Variants in CDH13 observed in about 807,000 individuals in gnomAD.
CDH13 encodes the protein cadherin-13.
A neutral mutation model predicts 63.8 loss-of-function variants in CDH13; 24 were observed. The observed-to-expected ratio is 0.38, with a 90% confidence interval of 0.27 to 0.53. The LOEUF is 0.53. Among genes scored for constraint, CDH13 ranks in the 20% least tolerant of loss-of-function variants. The pLI is 0.85. For missense variants in CDH13, 1,049 were observed against 903.1 expected, an observed-to-expected ratio of 1.16 and a Z score of -2.07; for synonymous variants, 503 against 355.3, an observed-to-expected ratio of 1.42 and a Z score of -4.67.
chr16:82,885,562 C>T (rs1220124597), intron 2 of CDH13, among the ~76,000 whole-genome samples: 1 of 151,994 alleles, frequency 6.6e-6, no homozygotes, highest in Non-Finnish European at 1.5e-5. Flanking sequence ...CATCCATTCA[C>T]TTATCCTGCC....
chr16:83,341,203 A>G (rs1421596146), intron 5 of CDH13, among the ~76,000 whole-genome samples: 1 of 152,220 alleles, frequency 6.6e-6, no homozygotes, highest in Non-Finnish European at 1.5e-5. Context: ...GGAAACAAGC[A>G]TTATTCCAGT....
chr16:83,740,805 C>G (rs1911985248), intron 10 of CDH13, among the ~76,000 whole-genome samples: 1 of 152,234 alleles, frequency 6.6e-6, no homozygotes. Context: ...CTCCCAACCC[C>G]AAGAGGCCCT....
chr16:83,623,939 A>G (rs1309355827), intron 8 of CDH13, among the ~76,000 whole-genome samples: 1 of 152,176 alleles, frequency 6.6e-6, no homozygotes, highest in Non-Finnish European at 1.5e-5. Context: ...CCCTGTTTGC[A>G]CTCATTTCGT....
chr16:83,053,792 T>A (rs1387915400), intron 3 of CDH13, among the ~76,000 whole-genome samples: 2 of 152,114 alleles, frequency 1.3e-5, no homozygotes, highest in African/African-American at 2.4e-5. Flanking sequence ...CAAATTAGGA[T>A]GCATCCAGTA....
intron 1 of CDH13, among the ~76,000 whole-genome samples, chr16:82,834,329 A>C (rs536779219): frequency 1.3e-5 from 2 of 152,286 alleles, no homozygotes; most frequent in Admixed American, 6.5e-5. Context: ...GAGAGATTTC[A>C]AAACCACCAC....
At chr16:83,650,117 C>A (rs1912223856) in intron 8 of CDH13, among the ~76,000 whole-genome samples, 2 of 152,106 alleles carry the variant, frequency 1.3e-5, no homozygotes, top group Admixed American at 1.3e-4. Context: ...GGAACTTGAC[C>A]CTGGCTGTAA....
chr16:82,679,098 C>A (rs1296604024), intron 1 of CDH13, among the ~76,000 whole-genome samples: 1 of 152,214 alleles, frequency 6.6e-6, no homozygotes, highest in Non-Finnish European at 1.5e-5. Context: ...TTCCCATTAT[C>A]CATGGGTCAA....
chr16:83,734,583 G>A (rs964172764), intron 10 of CDH13, among the ~76,000 whole-genome samples: 1 of 151,698 alleles, frequency 6.6e-6, no homozygotes, highest in African/African-American at 2.4e-5. Context: ...GGACTGTTGT[G>A]GGGTGGGGGA....
intron 1 of CDH13, among the ~76,000 whole-genome samples, chr16:82,746,642 C>T (rs1048977370): frequency 2.0e-5 from 3 of 152,020 alleles, no homozygotes; most frequent in African/African-American, 7.2e-5. Flanking sequence ...AATTAATCCA[C>T]TTATTTTCTT....
At chr16:83,354,607 C>G (rs1298419738) in intron 6 of CDH13, among the ~76,000 whole-genome samples, 1 of 152,150 alleles carries the variant, frequency 6.6e-6, no homozygotes, top group Admixed American at 6.5e-5. Context: ...AAAGTCCTCT[C>G]TAAAGAGGTG....
chr16:83,123,769 G>A (rs985002450), intron 3 of CDH13, among the ~76,000 whole-genome samples: 1 of 152,072 alleles, frequency 6.6e-6, no homozygotes, highest in Admixed American at 6.5e-5. Flanking sequence ...TCAGTTCTTT[G>A]AGAAATCATC....
intron 11 of CDH13, 120 bp from the exon 12 acceptor site, chr16:83,779,848 A>C (rs1466370696): frequency 1.5e-6 from 1 of 674,666 alleles, no homozygotes; most frequent in Non-Finnish European, 2.5e-6. Flanking sequence ...ATAGAGTGAG[A>C]CCCTGTCTCA....
chr16:82,700,559 C>T (rs2030860385), intron 1 of CDH13, among the ~76,000 whole-genome samples: 1 of 151,454 alleles, frequency 6.6e-6, no homozygotes. Flanking sequence ...GTGTGTCTTT[C>T]TATGTGTAAA....
chr16:83,658,625 A>T (rs1913117516), intron 8 of CDH13, among the ~76,000 whole-genome samples: 2 of 150,324 alleles, frequency 1.3e-5, no homozygotes, highest in African/African-American at 2.5e-5. Flanking sequence ...TGTCCTCACC[A>T]GCAAGGTCTC....
At chr16:83,043,274 T>C (rs1917481730) in intron 3 of CDH13, among the ~76,000 whole-genome samples, 1 of 152,206 alleles carries the variant, frequency 6.6e-6, no homozygotes, top group Admixed American at 6.5e-5. Context: ...TTAATTGAAA[T>C]TCTTGGGGGA....
intron 7 of CDH13, among the ~76,000 whole-genome samples, chr16:83,574,001 T>C (rs1275312005): frequency 6.6e-6 from 1 of 152,198 alleles, no homozygotes; most frequent in African/African-American, 2.4e-5. Flanking sequence ...CCAGATACGC[T>C]TGGAGGTATA....
intron 3 of CDH13, among the ~76,000 whole-genome samples, chr16:83,120,363 G>A (rs377635029): frequency 2.6e-5 from 4 of 152,214 alleles, no homozygotes; most frequent in Non-Finnish European, 4.4e-5. Context: ...CTGGACACCC[G>A]TGAGGACAGA....
intron 2 of CDH13, among the ~76,000 whole-genome samples, chr16:82,965,892 T>G (rs1907733340): frequency 6.6e-6 from 1 of 152,228 alleles, no homozygotes; most frequent in Non-Finnish European, 1.5e-5. Context: ...AGGAGTACTT[T>G]AAAGACAAAG....
intron 6 of CDH13, among the ~76,000 whole-genome samples, chr16:83,380,042 A>G (rs2091534578): frequency 6.6e-6 from 1 of 151,740 alleles, no homozygotes; most frequent in South Asian, 2.1e-4. Flanking sequence ...ATAAACATAT[A>G]CATAAAATAT....
Sources: gnomAD v4.1 joint callset for allele counts (sites outside exome capture counted in the v4.1 genomes callset) on GRCh38, gnomAD v4.1.1 for gene constraint, MANE v1.5 for transcripts, NCBI Gene and HGNC (gene_info 2026-07-23, HGNC 2026-07-21) for gene names.